The following NELL1 variants were observed in gnomAD, a reference collection of about 807,000 sequenced individuals.
The protein encoded by NELL1 is protein kinase C-binding protein NELL1.
In NELL1, 76 loss-of-function variants were observed where a neutral mutation model predicts 107.4. The observed-to-expected ratio is 0.71, with a 90% CI of 0.59 to 0.86. The LOEUF (loss-of-function observed/expected upper bound fraction) is 0.86, where lower values mean the gene tolerates loss of function less well. NELL1 is among the 40% of genes least tolerant of loss of function. The pLI, the probability that NELL1 is intolerant of heterozygous loss-of-function variation, is 0.00. For missense variants in NELL1, 1,024 were observed against 1,005.5 expected (o/e 1.02, Z -0.25); for synonymous variants, 353 against 341.2 (o/e 1.03, Z -0.38).
chr11:21,276,569 A>C (rs1489409943), intron 14 of NELL1, among the ~76,000 whole-genome samples: 1 of 152,144 alleles, frequency 6.6e-6, no homozygotes, highest in Non-Finnish European at 1.5e-5. Flanking sequence ...TATGGAACCA[A>C]AAAAGAGCCT....
chr11:21,024,753 A>G (rs1195928222), intron 12 of NELL1, among the ~76,000 whole-genome samples: 3 of 152,162 alleles, frequency 2.0e-5, no homozygotes, highest in Admixed American at 6.5e-5. Context: ...GGTTTATTCA[A>G]TAATTTCCAA....
At chr11:21,485,610 A>C (rs1261445619) in intron 15 of NELL1, among the ~76,000 whole-genome samples, 12 of 151,468 alleles carry the variant, frequency 7.9e-5, no homozygotes, top group Non-Finnish European at 1.3e-4. Context: ...AGAAAATCAC[A>C]AGTTCTACAA....
chr11:20,720,873 C>A (rs918066818), intron 2 of NELL1, among the ~76,000 whole-genome samples: 1 of 152,150 alleles, frequency 6.6e-6, no homozygotes, highest in Non-Finnish European at 1.5e-5. Context: ...AACAAAGTAA[C>A]ATTCTGAGGA....
intron 4 of NELL1, among the ~76,000 whole-genome samples, chr11:20,865,941 C>A (rs1425075587): frequency 1.3e-5 from 2 of 152,184 alleles, no homozygotes; most frequent in African/African-American, 2.4e-5. Flanking sequence ...TCTGGCTTCA[C>A]CACTTCCTAG....
At chr11:21,374,199 A>C (rs1480041108) in intron 15 of NELL1, among the ~76,000 whole-genome samples, 2 of 152,084 alleles carry the variant, frequency 1.3e-5, no homozygotes, top group Non-Finnish European at 2.9e-5. Context: ...GGCTTTAAAC[A>C]ACAAATGTTT....
At chr11:21,302,009 G>A (rs1849502287) in intron 14 of NELL1, among the ~76,000 whole-genome samples, 1 of 152,020 alleles carries the variant, frequency 6.6e-6, no homozygotes, top group African/African-American at 2.4e-5. Context: ...GGCAGTATAG[G>A]TTCCATGCTT....
At chr11:21,279,210 G>T (rs897534181) in intron 14 of NELL1, among the ~76,000 whole-genome samples, 1 of 152,110 alleles carries the variant, frequency 6.6e-6, no homozygotes, top group East Asian at 1.9e-4. Flanking sequence ...GTGACCTATA[G>T]TATGGCAATT....
chr11:21,510,999 A>C (rs1855422158), intron 15 of NELL1, among the ~76,000 whole-genome samples: 1 of 152,202 alleles, frequency 6.6e-6, no homozygotes. Flanking sequence ...GATTTTGGTC[A>C]GGTTCAAACT....
chr11:21,427,247 T>C (rs879842437), intron 15 of NELL1, among the ~76,000 whole-genome samples: 1 of 152,234 alleles, frequency 6.6e-6, no homozygotes, highest in African/African-American at 2.4e-5. Context: ...AACTTCATTT[T>C]TGTTTTGGCA....
intron 14 of NELL1, among the ~76,000 whole-genome samples, chr11:21,269,429 T>C (rs1328976255): frequency 6.7e-6 from 1 of 150,214 alleles, no homozygotes; most frequent in Non-Finnish European, 1.5e-5. Context: ...AAACCAAAGA[T>C]AAAAATTCTT....
chr11:21,429,914 G>T (rs969116228), intron 15 of NELL1, among the ~76,000 whole-genome samples: 2 of 152,076 alleles, frequency 1.3e-5, no homozygotes, highest in Non-Finnish European at 2.9e-5. Flanking sequence ...TTAATCCTTT[G>T]GTGTCTCTAT....
intron 12 of NELL1, among the ~76,000 whole-genome samples, chr11:21,023,462 G>C (rs376879364): frequency 1.3e-5 from 2 of 152,042 alleles, no homozygotes; most frequent in Admixed American, 6.6e-5. Context: ...ACTGGGTAGC[G>C]GCAATATGAC....
At chr11:20,936,344 C>A (rs1027424178) in intron 9 of NELL1, among the ~76,000 whole-genome samples, 3 of 152,184 alleles carry the variant, frequency 2.0e-5, no homozygotes, top group Non-Finnish European at 4.4e-5. Context: ...ACTGTCACAG[C>A]AGTTGTAAGA....
At chr11:21,238,515 A>T (rs1328192686) in intron 14 of NELL1, among the ~76,000 whole-genome samples, 3 of 152,052 alleles carry the variant, frequency 2.0e-5, no homozygotes, top group Admixed American at 2.0e-4. Flanking sequence ...CACTTTAATA[A>T]ATGAGAGGTC....
At chr11:20,826,181 G>A (rs1368673260) in intron 3 of NELL1, among the ~76,000 whole-genome samples, 1 of 151,154 alleles carries the variant, frequency 6.6e-6, no homozygotes, top group Non-Finnish European at 1.5e-5. Context: ...CCAGTCTCGG[G>A]TACGTCTTTA....
At chr11:21,442,275 C>T (rs1258172736) in intron 15 of NELL1, among the ~76,000 whole-genome samples, 1 of 152,106 alleles carries the variant, frequency 6.6e-6, no homozygotes, top group Non-Finnish European at 1.5e-5. Context: ...GAACCCTGCT[C>T]CTGGAATTCT....
At chr11:21,287,903 G>T (rs1263010306) in intron 14 of NELL1, among the ~76,000 whole-genome samples, 3 of 151,952 alleles carry the variant, frequency 2.0e-5, no homozygotes, top group African/African-American at 7.3e-5. Flanking sequence ...GGCAATAGGA[G>T]TGAAGTCATT....
At chr11:21,032,290 G>C (rs757183822) in intron 12 of NELL1, among the ~76,000 whole-genome samples, 3 of 151,682 alleles carry the variant, frequency 2.0e-5, no homozygotes, top group Non-Finnish European at 4.4e-5. Flanking sequence ...CTTTATTGTG[G>C]GTTGCTACCC....
intron 13 of NELL1, among the ~76,000 whole-genome samples, chr11:21,191,656 C>G (rs1255259019): frequency 2.0e-5 from 3 of 151,918 alleles, no homozygotes; most frequent in Non-Finnish European, 4.4e-5. Flanking sequence ...GCACTTTCCT[C>G]CTATGGAGAT....
Sources: allele counts gnomAD v4.1 joint callset (sites outside exome capture counted in the v4.1 genomes callset), GRCh38; gene constraint gnomAD v4.1.1; transcripts MANE v1.5; gene names NCBI Gene and HGNC (gene_info 2026-07-23, HGNC 2026-07-21).